NCK2: variants seen among roughly 807,000 people sequenced by gnomAD.
NCK2 encodes the protein NCK adaptor protein 2, also known as cytoplasmic protein NCK2.
NCK2 carries 16 observed loss-of-function variants against 33.9 expected under a neutral mutation model. The observed-to-expected ratio is 0.47, with a 90% CI of 0.32 to 0.72. The LOEUF is 0.72. Among genes scored for constraint, NCK2 ranks in the 30% least tolerant of loss-of-function variants. The probability of loss-of-function intolerance (pLI) is 0.03; values close to 1 mark genes in which losing one functional copy is unlikely to be tolerated. For synonymous variants in NCK2, 273 were observed against 239.9 expected (o/e 1.14, Z -1.27); for missense variants, 418 against 537.3 (o/e 0.78, Z 2.19).
rs186429797 is a variant in NCK2 at position 105,764,825 on chromosome 2, A to G, written c.-201+19687A>G. 1.6e-3 allele frequency among the ~76,000 whole-genome samples: 242 copies of G among 152,266 alleles called. 2 individuals are homozygous for G. Among genetic ancestry groups the G allele is most frequent in the African/African-American group, 5.2e-3 (215 of 41,556 alleles). On this transcript the variant is annotated intron_variant, in intron 1 of 4. Coordinates refer to ENST00000233154, the MANE Select transcript of NCK2 (RefSeq NM_003581.5). The stretch of plus-strand genomic sequence containing the variant: ...ATTTATAACTTTTGTATAATTTTCT[A>G]TTCTTCTCACTCTGAATATTTTTTC...
At chr2:105,833,242 G>A (rs1573175696) in intron 2 of NCK2, among the ~76,000 whole-genome samples, 1 of 151,900 alleles carries the variant, frequency 6.6e-6, no homozygotes, top group Non-Finnish European at 1.5e-5. Flanking sequence ...TTCCAGGCAT[G>A]CAGCACCATG....
chr2:105,827,220 C>T (rs968614258), intron 2 of NCK2, among the ~76,000 whole-genome samples: 2 of 151,972 alleles, frequency 1.3e-5, no homozygotes, highest in Admixed American at 1.3e-4. Flanking sequence ...AGGATGGTCT[C>T]GATCTCCTGA....
At chr2:105,891,204 G>A (rs553168717) in intron 4 of NCK2, among the ~76,000 whole-genome samples, 7 of 152,008 alleles carry the variant, frequency 4.6e-5, no homozygotes, top group Non-Finnish European at 5.9e-5. Flanking sequence ...ATCTGCGCAC[G>A]CTCACACACT....
rs34000199 is a variant in NCK2 at position 105,881,887 on chromosome 2, C to T, written c.786C>T (p.His262=). 787 of 1,574,068 alleles carry T rather than the reference C, an allele frequency of 5.0e-4. 4 individuals carry two copies. The African/African-American group carries it at 7.7e-3, about 15-fold the overall frequency. The change falls in exon 4 of 5, where the codon CAC becomes CAT. Residue 262 remains histidine (H), a synonymous_variant. Transcript: ENST00000233154. ...TCCTCAGTGACGGGCCTGCCCTGCA[C>T]CCTGCGCACGCCCCACAGATAAGCT... ...VVVLSDGPAL[H]PAHAPQISYT...
At chr2:105,845,368 T>C (rs1390025449) in intron 2 of NCK2, among the ~76,000 whole-genome samples, 2 of 150,944 alleles carry the variant, frequency 1.3e-5, no homozygotes, top group Non-Finnish European at 2.9e-5. Context: ...TTGTAAGAAC[T>C]GAGGAAACTC....
At chr2:105,785,643 C>T (rs1321305364) in intron 1 of NCK2, among the ~76,000 whole-genome samples, 1 of 152,172 alleles carries the variant, frequency 6.6e-6, no homozygotes, top group Non-Finnish European at 1.5e-5. Context: ...TCTGAGCCAC[C>T]TCAACATCCG....
intron 1 of NCK2, among the ~76,000 whole-genome samples, chr2:105,806,893 T>C (rs1675067518): frequency 6.6e-6 from 1 of 152,090 alleles, no homozygotes; most frequent in African/African-American, 2.4e-5. Context: ...TTCTCCAGAG[T>C]TTCTTTGTTC....
chr2:105,867,033 C>T (rs1400437790), intron 3 of NCK2, among the ~76,000 whole-genome samples: 1 of 152,194 alleles, frequency 6.6e-6, no homozygotes, highest in East Asian at 1.9e-4. Context: ...TTCAGACATG[C>T]TTTCTAAACT....
intron 1 of NCK2, among the ~76,000 whole-genome samples, chr2:105,749,252 T>C (rs1427946036): frequency 3.3e-5 from 5 of 152,202 alleles, no homozygotes. Context: ...TACTGTTGTA[T>C]TGGTAATGTT....
chr2:105,795,381 A>T (rs1691043186), intron 1 of NCK2, among the ~76,000 whole-genome samples: 1 of 152,204 alleles, frequency 6.6e-6, no homozygotes, highest in South Asian at 2.1e-4. Flanking sequence ...TTTTCTAATT[A>T]TATGGTATAT....
chr2:105,821,384 G>A (rs545960826), intron 2 of NCK2, among the ~76,000 whole-genome samples: 4 of 152,202 alleles, frequency 2.6e-5, no homozygotes, highest in South Asian at 2.1e-4. Flanking sequence ...TGGAGTTTCC[G>A]CCCAAATAAA....
intron 1 of NCK2, among the ~76,000 whole-genome samples, chr2:105,813,311 G>A (rs1176968787): frequency 1.3e-5 from 2 of 152,172 alleles, no homozygotes; most frequent in African/African-American, 4.8e-5. Context: ...CCTCCTGAAG[G>A]CTGACTTTAG....
chr2:105,765,606 G>A (rs1292186192), intron 1 of NCK2, among the ~76,000 whole-genome samples: 4 of 151,966 alleles, frequency 2.6e-5, no homozygotes, highest in African/African-American at 2.4e-5. Context: ...TCAGTGACAG[G>A]GCTGGATTAT....
At chr2:105,830,287 T>A (rs1482460396) in intron 2 of NCK2, among the ~76,000 whole-genome samples, 1 of 152,222 alleles carries the variant, frequency 6.6e-6, no homozygotes, top group African/African-American at 2.4e-5. Flanking sequence ...TGCATCAGCT[T>A]TTGTAGCTCC....
At chr2:105,787,671 A>G (rs895744547) in intron 1 of NCK2, among the ~76,000 whole-genome samples, 1 of 151,242 alleles carries the variant, frequency 6.6e-6, no homozygotes, top group Non-Finnish European at 1.5e-5. Flanking sequence ...TGCGGTGGAG[A>G]CTCCACCCCA....
intron 1 of NCK2, among the ~76,000 whole-genome samples, chr2:105,802,687 C>T (rs535122556): frequency 2.6e-5 from 4 of 152,324 alleles, no homozygotes; most frequent in South Asian, 4.1e-4. Context: ...ATGAGGGATC[C>T]GCCCTCGCGA....
intron 3 of NCK2, among the ~76,000 whole-genome samples, chr2:105,857,853 G>A (rs1428584634): frequency 6.6e-6 from 1 of 152,200 alleles, no homozygotes; most frequent in Non-Finnish European, 1.5e-5. Context: ...CTGTTGAGCT[G>A]CATCCAGTGG....
At chr2:105,790,939 C>T (rs778882378) in intron 1 of NCK2, among the ~76,000 whole-genome samples, 18 of 152,132 alleles carry the variant, frequency 1.2e-4, no homozygotes, top group African/African-American at 2.4e-5. Context: ...CAACCCCTCC[C>T]CTTTATATCA....
chr2:105,850,599 AAACTT>A lies in NCK2; in HGVS notation c.-16-4444_-16-4440del, dbSNP rs528233883. 1.1e-4 allele frequency among the ~76,000 whole-genome samples: 16 copies of A among 152,316 alleles called. No homozygotes were observed. The South Asian group carries it at 3.3e-3, about 32-fold the overall frequency. ...TCTCTTTGGGCTAGACCTGAGTAAT[AAACTT>A]AACTAGCTGTAGTAATGAAGCCAAA... On this transcript the variant is annotated intron_variant, in intron 2 of 4. Transcript: ENST00000233154.
Sources: gnomAD v4.1 joint callset for allele counts (sites outside exome capture counted in the v4.1 genomes callset) on GRCh38, gnomAD v4.1.1 for gene constraint, MANE v1.5 for transcripts, NCBI Gene and HGNC (gene_info 2026-07-23, HGNC 2026-07-21) for gene names.